The following ENTREP2 variants were observed in gnomAD, a reference collection of about 807,000 sequenced individuals.
The protein encoded by ENTREP2 is protein ENTREP2.
At chr15:29,461,068 C>T in the ENTREP2 span, among the ~76,000 whole-genome samples, 1 of 152,126 alleles carries the variant, frequency 6.6e-6, no homozygotes, top group East Asian at 1.9e-4. Context: ...GGCATCAACA[C>T]GAGGATGACT....
chr15:29,653,107 G>T, the ENTREP2 span, among the ~76,000 whole-genome samples: 1 of 152,180 alleles, frequency 6.6e-6, no homozygotes, highest in African/African-American at 2.4e-5. Flanking sequence ...GGCCAACTGG[G>T]AGTCCATATC....
chr15:29,508,068 T>C, the ENTREP2 span, among the ~76,000 whole-genome samples: 171 of 151,876 alleles, frequency 1.1e-3, no homozygotes, highest in African/African-American at 3.8e-3. Context: ...AAAGGGGAGA[T>C]TACCACTGAC....
the ENTREP2 span, among the ~76,000 whole-genome samples, chr15:29,551,631 A>G: frequency 2.6e-5 from 4 of 152,198 alleles, no homozygotes. Flanking sequence ...CTATTAAAAA[A>G]TAAGACAATG....
At chr15:29,290,553 G>A in the ENTREP2 span, among the ~76,000 whole-genome samples, 5 of 152,204 alleles carry the variant, frequency 3.3e-5, no homozygotes, top group Non-Finnish European at 5.9e-5. Context: ...ATGCAGCTTT[G>A]GGAGAATGAG....
At chr15:29,399,360 T>A in the ENTREP2 span, among the ~76,000 whole-genome samples, 1 of 152,140 alleles carries the variant, frequency 6.6e-6, no homozygotes, top group East Asian at 1.9e-4. Context: ...ATTTGCCACA[T>A]AACAATAGAA....
At chr15:29,347,744 C>T in the ENTREP2 span, among the ~76,000 whole-genome samples, 18 of 152,246 alleles carry the variant, frequency 1.2e-4, no homozygotes, top group African/African-American at 2.4e-4. Flanking sequence ...ACATGAAGTC[C>T]GTCAGCACCT....
chr15:29,326,529 T>C, the ENTREP2 span, among the ~76,000 whole-genome samples: 1 of 152,138 alleles, frequency 6.6e-6, no homozygotes, highest in African/African-American at 2.4e-5. Context: ...AAGAACTATA[T>C]GTAGAAAACT....
At chr15:29,476,428 G>A in the ENTREP2 span, among the ~76,000 whole-genome samples, 5 of 152,272 alleles carry the variant, frequency 3.3e-5, no homozygotes, top group East Asian at 5.8e-4. Context: ...AGAAAATGAC[G>A]TTAGAATGCC....
At chr15:29,433,414 T>G in the ENTREP2 span, among the ~76,000 whole-genome samples, 7 of 152,306 alleles carry the variant, frequency 4.6e-5, no homozygotes, top group East Asian at 1.3e-3. Context: ...GAAACTCAAC[T>G]CCAACAGTGA....
chr15:29,455,798 G>A, the ENTREP2 span, among the ~76,000 whole-genome samples: 1 of 152,148 alleles, frequency 6.6e-6, no homozygotes, highest in Non-Finnish European at 1.5e-5. Context: ...CCTGAGCTTT[G>A]CCTCCTGTCA....
chr15:29,186,480 G>A, the ENTREP2 span, among the ~76,000 whole-genome samples: 3 of 152,244 alleles, frequency 2.0e-5, no homozygotes, highest in Non-Finnish European at 1.5e-5. Context: ...CAATCTGGAA[G>A]GAGGCTGTGT....
chr15:29,605,313 G>A, the ENTREP2 span, among the ~76,000 whole-genome samples: 7 of 152,184 alleles, frequency 4.6e-5, no homozygotes, highest in East Asian at 1.9e-4. Context: ...GGTATATATC[G>A]AAAGTCAATT....
chr15:29,659,716 A>C, the ENTREP2 span, among the ~76,000 whole-genome samples: 1 of 152,124 alleles, frequency 6.6e-6, no homozygotes, highest in Non-Finnish European at 1.5e-5. Flanking sequence ...CCTTATGCTT[A>C]TGGGAGTTGT....
chr15:29,176,426 T>G, the ENTREP2 span, among the ~76,000 whole-genome samples: 1 of 152,052 alleles, frequency 6.6e-6, no homozygotes, highest in African/African-American at 2.4e-5. Flanking sequence ...CTCTCCTGGA[T>G]GGTGACAATA....
the ENTREP2 span, among the ~76,000 whole-genome samples, chr15:29,640,621 G>A: frequency 6.8e-6 from 1 of 146,772 alleles, no homozygotes; most frequent in Non-Finnish European, 1.5e-5. Context: ...CTGCACTCCA[G>A]TCTGGGCAAC....
chr15:29,136,580 C>T, the ENTREP2 span: 2 of 1,451,054 alleles, frequency 1.4e-6, no homozygotes, highest in Non-Finnish European at 1.8e-6. Flanking sequence ...GCCGCCAGAG[C>T]AGGGGCGGCC....
the ENTREP2 span, among the ~76,000 whole-genome samples, chr15:29,278,718 G>T: frequency 2.1e-3 from 315 of 152,274 alleles, 5 homozygotes; most frequent in Admixed American, 0.015. Flanking sequence ...TTATCCCACT[G>T]GATATCCTTG....
At chr15:29,544,924 G>C in the ENTREP2 span, among the ~76,000 whole-genome samples, 1 of 152,200 alleles carries the variant, frequency 6.6e-6, no homozygotes, top group Admixed American at 6.5e-5. Flanking sequence ...ACACGTATCT[G>C]CATGGCAGTA....
the ENTREP2 span, among the ~76,000 whole-genome samples, chr15:29,287,253 C>T: frequency 2.8e-4 from 43 of 152,118 alleles, no homozygotes; most frequent in Admixed American, 8.5e-4. Context: ...GGGATAAAGT[C>T]ACTTTCCTTT....
Sources: allele counts gnomAD v4.1 joint callset (sites outside exome capture counted in the v4.1 genomes callset), GRCh38; gene constraint gnomAD v4.1.1; transcripts MANE v1.5; gene names NCBI Gene and HGNC (gene_info 2026-07-23, HGNC 2026-07-21).